Variants in PTPRD observed in about 807,000 individuals in gnomAD.
The protein encoded by PTPRD is receptor-type tyrosine-protein phosphatase delta.
PTPRD carries 34 observed loss-of-function variants against 214.5 expected under a neutral mutation model. The observed-to-expected ratio is 0.16, with a 90% CI of 0.12 to 0.21. PTPRD has a LOEUF of 0.21. PTPRD is among the 10% of genes least tolerant of loss of function. The pLI is 1.00. For synonymous variants in PTPRD, 1,128 were observed against 845.7 expected (o/e 1.33, Z -5.79); for missense variants, 2,545 against 2,398.7 (o/e 1.06, Z -1.27).
chr9:10,290,559 T>G (rs1001254503), intron 3 of PTPRD, among the ~76,000 whole-genome samples: 1 of 152,168 alleles, frequency 6.6e-6, no homozygotes, highest in Non-Finnish European at 1.5e-5. Flanking sequence ...TGACATACAT[T>G]ATAATATATG....
At chr9:10,237,596 A>G (rs756876973) in intron 3 of PTPRD, among the ~76,000 whole-genome samples, 35 of 151,960 alleles carry the variant, frequency 2.3e-4, no homozygotes, top group Non-Finnish European at 3.5e-4. Flanking sequence ...AAAATTCTCC[A>G]AATGTTTAAT....
chr9:9,160,542 A>G (rs755740737), intron 10 of PTPRD, among the ~76,000 whole-genome samples: 12 of 152,188 alleles, frequency 7.9e-5, no homozygotes, highest in Non-Finnish European at 1.5e-4. Context: ...AGTGTTGGTG[A>G]GGATGTGGTG....
At chr9:10,479,108 T>A (rs1004709700) in intron 2 of PTPRD, among the ~76,000 whole-genome samples, 2 of 152,168 alleles carry the variant, frequency 1.3e-5, no homozygotes, top group Non-Finnish European at 2.9e-5. Flanking sequence ...ACAGAATGTT[T>A]GGCTAGGCTA....
rs564465206 is a variant in PTPRD at position 10,297,911 on chromosome 9, A to G, written c.-545+43052T>C. On this transcript the variant is annotated intron_variant, in intron 3 of 45. Coordinates refer to ENST00000381196, the MANE Select transcript of PTPRD (RefSeq NM_002839.4). Reference sequence around the variant, plus strand: ...TTCCAAGGCACCCTTCATATTAAAAAGCTCTGCTACTATGGTGGCTATTTC... The same window carrying G: ...TTCCAAGGCACCCTTCATATTAAAAGGCTCTGCTACTATGGTGGCTATTTC... Among the ~76,000 whole-genome samples the G allele has an allele frequency of 9.5e-4, 145 of 152,194 alleles. 3 individuals carry two copies. The South Asian group carries it at 0.029, about 31-fold the overall frequency.
intron 36 of PTPRD, among the ~76,000 whole-genome samples, chr9:8,395,695 T>A (rs1187792007): frequency 6.6e-6 from 1 of 151,976 alleles, no homozygotes; most frequent in African/African-American, 2.4e-5. Flanking sequence ...AGTGAGCTAA[T>A]GGAGAAACAG....
At chr9:10,476,015 T>C (rs574267327) in intron 2 of PTPRD, among the ~76,000 whole-genome samples, 96 of 151,974 alleles carry the variant, frequency 6.3e-4, no homozygotes, top group South Asian at 1.2e-3. Context: ...AACAAGCCCA[T>C]AGCCAATATC....
rs191201885 is a variant in PTPRD at position 9,708,702 on chromosome 9, C to T, written c.-287+25831G>A. On this transcript the variant is annotated intron_variant, in intron 7 of 45. Coordinates refer to ENST00000381196, the MANE Select transcript of PTPRD (RefSeq NM_002839.4). ...TTAAATTTTAAAAAGAGAGATAAGTCTATACCCGTCAGATAACTCTTGATT... is the reference window on the plus strand; with the variant it reads ...TTAAATTTTAAAAAGAGAGATAAGTTTATACCCGTCAGATAACTCTTGATT... Among the ~76,000 whole-genome samples the T allele has an allele frequency of 6.8e-4, 104 of 151,982 alleles. 1 individual carries two copies. Among genetic ancestry groups the T allele is most frequent in the Admixed American group, 1.1e-3 (17 of 15,262 alleles).
At chr9:10,401,862 T>C (rs1336193289) in intron 2 of PTPRD, among the ~76,000 whole-genome samples, 1 of 151,122 alleles carries the variant, frequency 6.6e-6, no homozygotes. Context: ...ATTCCTAAGT[T>C]TGAATCAAAC....
At chr9:10,305,767 AAAC>A (rs1224648966) in intron 3 of PTPRD, among the ~76,000 whole-genome samples, 8 of 152,168 alleles carry the variant, frequency 5.3e-5, no homozygotes, top group Admixed American at 2.6e-4. Context: ...AAAAGTCAGG[AAAC>A]AACAGATGCC....
At chr9:8,701,300 G>C (rs1024297783) in intron 12 of PTPRD, 1 of 152,172 alleles carries the variant, frequency 6.6e-6, no homozygotes, top group South Asian at 2.1e-4. Context: ...TTCAACTCAA[G>C]TATTATAATG....
At chr9:8,561,823 C>G (rs888431172) in intron 14 of PTPRD, among the ~76,000 whole-genome samples, 51 of 150,974 alleles carry the variant, frequency 3.4e-4, no homozygotes, top group African/African-American at 1.1e-3. Context: ...TTGAGATGTC[C>G]AAATATACAT....
At chr9:9,977,622 G>T (rs1366532731) in intron 4 of PTPRD, among the ~76,000 whole-genome samples, 2 of 151,976 alleles carry the variant, frequency 1.3e-5, no homozygotes, top group African/African-American at 4.8e-5. Flanking sequence ...ATAAGTGAAC[G>T]CAATAAAAAT....
intron 9 of PTPRD, among the ~76,000 whole-genome samples, chr9:9,366,906 T>A (rs2058042414): frequency 6.6e-6 from 1 of 151,394 alleles, no homozygotes; most frequent in Admixed American, 6.6e-5. Context: ...TTTTGTGTAT[T>A]TCCTGAATTT....
chr9:8,427,859 T>C (rs1471515092), intron 35 of PTPRD, among the ~76,000 whole-genome samples: 3 of 152,044 alleles, frequency 2.0e-5, no homozygotes, highest in Non-Finnish European at 4.4e-5. Flanking sequence ...GGGTGATATC[T>C]TTTATTCCTT....
At chr9:9,954,308 A>AAACAAAC (rs1176414366) in intron 4 of PTPRD, among the ~76,000 whole-genome samples, 79 of 140,128 alleles carry the variant, frequency 5.6e-4, no homozygotes, top group South Asian at 2.7e-3. Flanking sequence ...AAAAAAAAAA[A>AAACAAAC]AAAAAAAAAA....
At chr9:9,435,100 T>G (rs1206623890) in intron 8 of PTPRD, among the ~76,000 whole-genome samples, 1 of 151,934 alleles carries the variant, frequency 6.6e-6, no homozygotes, top group Non-Finnish European at 1.5e-5. Flanking sequence ...TTTTGGCAAA[T>G]TTTAGACCCC....
intron 2 of PTPRD, among the ~76,000 whole-genome samples, chr9:10,570,372 T>C (rs2067038001): frequency 6.6e-6 from 1 of 152,136 alleles, no homozygotes. Context: ...GGAGCTGAAA[T>C]TGCCAAACAA....
At chr9:8,468,941 G>A (rs1373765565) in intron 31 of PTPRD, among the ~76,000 whole-genome samples, 1 of 151,782 alleles carries the variant, frequency 6.6e-6, no homozygotes, top group Non-Finnish European at 1.5e-5. Context: ...TATATCAAGG[G>A]CTTTAGTTCT....
At chr9:8,670,759 C>T (rs1042528399) in intron 12 of PTPRD, among the ~76,000 whole-genome samples, 1 of 152,148 alleles carries the variant, frequency 6.6e-6, no homozygotes, top group Non-Finnish European at 1.5e-5. Flanking sequence ...CCTGCCAAAG[C>T]ACTGAAGAAC....
Sources: allele counts gnomAD v4.1 joint callset (sites outside exome capture counted in the v4.1 genomes callset), GRCh38; gene constraint gnomAD v4.1.1; transcripts MANE v1.5; gene names NCBI Gene and HGNC (gene_info 2026-07-23, HGNC 2026-07-21).